SPATA9: variants seen among roughly 807,000 people sequenced by gnomAD.
The protein encoded by SPATA9 is spermatogenesis associated 9, also known as spermatogenesis-associated protein 9.
SPATA9 carries 27 observed loss-of-function variants against 25.5 expected under a neutral mutation model. The observed-to-expected ratio is 1.06, with a 90% confidence interval of 0.78 to 1.46. The LOEUF is 1.46. Ranked by LOEUF, SPATA9 falls within the 40% of genes most tolerant of loss-of-function variation. The probability of loss-of-function intolerance (pLI) is 0.00; values close to 1 mark genes in which losing one functional copy is unlikely to be tolerated. For synonymous variants in SPATA9, 102 were observed against 105.7 expected, an observed-to-expected ratio of 0.97 and a Z score of 0.21; for missense variants, 282 against 297.5, an observed-to-expected ratio of 0.95 and a Z score of 0.38.
At chr5:95,714,913 T>C in the SPATA9 span, among the ~76,000 whole-genome samples, 96,451 of 151,968 alleles carry the variant, frequency 0.63, 31,538 homozygotes, top group East Asian at 0.96. Flanking sequence ...TGAAGAGATA[T>C]ATACTATGTT....
chr5:95,722,164 G>T, the SPATA9 span, among the ~76,000 whole-genome samples: 1 of 152,136 alleles, frequency 6.6e-6, no homozygotes, highest in Non-Finnish European at 1.5e-5. Context: ...AGTACCCAAT[G>T]GATGGCCATA....
chr5:95,653,081 C>A (rs944471221), exon 9 of SPATA9: 19 of 1,549,708 alleles, frequency 1.2e-5, no homozygotes, highest in Non-Finnish European at 1.7e-5. Flanking sequence ...CAAGACTTTT[C>A]TTTCCTTCAG....
At chr5:95,654,348 T>C (rs925802372), downstream of SPATA9, 5 of 1,607,490 alleles carry the variant, frequency 3.1e-6, no homozygotes, top group African/African-American at 6.7e-5. Flanking sequence ...GGAGGACCTT[T>C]ACATTTGGGA....
intron 1 of SPATA9, among the ~76,000 whole-genome samples, chr5:95,694,578 A>G (rs943955956): frequency 4.6e-5 from 7 of 152,224 alleles, no homozygotes; most frequent in Admixed American, 4.6e-4. Context: ...CCTCTTCAGG[A>G]GGGAGCCCAG....
upstream of SPATA9, among the ~76,000 whole-genome samples, chr5:95,683,317 G>C (rs1034057873): frequency 6.6e-6 from 1 of 152,176 alleles, no homozygotes; most frequent in Non-Finnish European, 1.5e-5. Flanking sequence ...CTTCTGAATA[G>C]ATTGTTTTTG....
intron 4 of SPATA9, among the ~76,000 whole-genome samples, chr5:95,661,135 T>C (rs1751216606): frequency 1.3e-5 from 2 of 152,130 alleles, no homozygotes; most frequent in Admixed American, 6.6e-5. Flanking sequence ...TTCATTTTAC[T>C]TGACTTTTTC....
the SPATA9 span, among the ~76,000 whole-genome samples, chr5:95,711,171 G>T: frequency 5.9e-5 from 9 of 152,076 alleles, no homozygotes; most frequent in African/African-American, 2.2e-4. Context: ...CAAAGTTCTC[G>T]TTCCACTTGA....
chr5:95,709,768 A>G, the SPATA9 span, among the ~76,000 whole-genome samples: 1 of 152,154 alleles, frequency 6.6e-6, no homozygotes, highest in African/African-American at 2.4e-5. Context: ...TACTTCTGTA[A>G]AGTCAATTTC....
intron 3 of SPATA9, among the ~76,000 whole-genome samples, chr5:95,673,983 G>A (rs192905904): frequency 3.3e-5 from 5 of 151,894 alleles, no homozygotes; most frequent in Admixed American, 6.6e-5. Flanking sequence ...CAAAGGATCC[G>A]CCCGCCTCAG....
the SPATA9 span, among the ~76,000 whole-genome samples, chr5:95,703,809 T>C: frequency 7.8e-6 from 1 of 128,602 alleles, no homozygotes; most frequent in East Asian, 2.5e-4. Context: ...AATAGTTTCA[T>C]AAAAATTAAA....
At chr5:95,703,047 G>C (rs73149695), upstream of SPATA9, among the ~76,000 whole-genome samples, 1,895 of 152,274 alleles carry the variant, frequency 0.012, 39 homozygotes, top group African/African-American at 0.043. Flanking sequence ...CTAACTATAT[G>C]TTTGAGTATT....
chr5:95,731,322 G>A, the SPATA9 span: 2 of 1,078,658 alleles, frequency 1.9e-6, no homozygotes, highest in Non-Finnish European at 2.2e-6. Flanking sequence ...AGGAGGAGGA[G>A]CAGCGGCAGC....
chr5:95,675,091 T>C (rs1223940599), intron 3 of SPATA9, among the ~76,000 whole-genome samples: 1 of 152,194 alleles, frequency 6.6e-6, no homozygotes, highest in Non-Finnish European at 1.5e-5. Context: ...AACAAAGTTA[T>C]GAGGAAAAAG....
chr5:95,707,020 C>T, the SPATA9 span, among the ~76,000 whole-genome samples: 1 of 152,146 alleles, frequency 6.6e-6, no homozygotes, highest in Non-Finnish European at 1.5e-5. Context: ...CTGTTTTTGG[C>T]CCTGAGGGTA....
At chr5:95,700,835 G>A (rs1754166323), upstream of SPATA9, among the ~76,000 whole-genome samples, 1 of 152,228 alleles carries the variant, frequency 6.6e-6, no homozygotes, top group African/African-American at 2.4e-5. Flanking sequence ...ATGTACTAGT[G>A]TGTGGTATGA....
At chr5:95,703,304 AG>A (rs1006418948), upstream of SPATA9, among the ~76,000 whole-genome samples, 1 of 152,216 alleles carries the variant, frequency 6.6e-6, no homozygotes, top group African/African-American at 2.4e-5. Flanking sequence ...AGAATGAAAA[AG>A]TATTTATTGA....
intron 3 of SPATA9, among the ~76,000 whole-genome samples, chr5:95,671,791 G>A (rs1174675450): frequency 6.6e-6 from 1 of 152,052 alleles, no homozygotes; most frequent in Non-Finnish European, 1.5e-5. Flanking sequence ...AAGATATTAA[G>A]AAGTAAAGCT....
the SPATA9 span, among the ~76,000 whole-genome samples, chr5:95,725,020 A>AG: frequency 6.6e-6 from 1 of 152,154 alleles, no homozygotes; most frequent in African/African-American, 2.4e-5. Context: ...AAAAAAAAAA[A>AG]AATTATGTGT....
the SPATA9 span, among the ~76,000 whole-genome samples, chr5:95,712,328 A>G: frequency 6.6e-6 from 1 of 152,182 alleles, no homozygotes; most frequent in African/African-American, 2.4e-5. Flanking sequence ...AATGGGGTCT[A>G]TGTCCTCGCC....
Sources: gnomAD v4.1 joint callset for allele counts (sites outside exome capture counted in the v4.1 genomes callset) on GRCh38, gnomAD v4.1.1 for gene constraint, MANE v1.5 for transcripts, NCBI Gene and HGNC (gene_info 2026-07-23, HGNC 2026-07-21) for gene names.